THSD4: variants seen among roughly 807,000 people sequenced by gnomAD.
THSD4 encodes the protein thrombospondin type 1 domain containing 4.
A neutral mutation model predicts 119.0 loss-of-function variants in THSD4; 69 were observed. The observed-to-expected ratio is 0.58, with a 90% CI of 0.48 to 0.71. THSD4 has a LOEUF of 0.71. Ranked by LOEUF, THSD4 falls within the 30% of genes least tolerant of loss-of-function variation. THSD4 has a pLI of 0.00. For missense variants in THSD4, 1,393 were observed against 1,391.1 expected (o/e 1.00, Z -0.02); for synonymous variants, 524 against 540.4 (o/e 0.97, Z 0.42).
chr15:71,330,955 C>G (rs2045412764), intron 6 of THSD4, among the ~76,000 whole-genome samples: 1 of 152,220 alleles, frequency 6.6e-6, no homozygotes, highest in Non-Finnish European at 1.5e-5. Flanking sequence ...CACTGGCGAT[C>G]TGGCCTTGTC....
At chr15:71,373,667 C>T (rs539955293) in intron 6 of THSD4, among the ~76,000 whole-genome samples, 1 of 152,318 alleles carries the variant, frequency 6.6e-6, no homozygotes, top group Admixed American at 6.5e-5. Context: ...CCTACTCTGC[C>T]ACTGACTTGC....
At chr15:71,218,573 T>C (rs2043952993) in intron 4 of THSD4, among the ~76,000 whole-genome samples, 1 of 152,162 alleles carries the variant, frequency 6.6e-6, no homozygotes, top group African/African-American at 2.4e-5. Flanking sequence ...TCTTGTGATT[T>C]GACAGTTACT....
intron 3 of THSD4, among the ~76,000 whole-genome samples, chr15:71,159,352 A>G (rs2043229134): frequency 6.6e-6 from 1 of 152,094 alleles, no homozygotes; most frequent in East Asian, 1.9e-4. Flanking sequence ...TTCTGTGACT[A>G]ATGTCATTAT....
intron 7 of THSD4, among the ~76,000 whole-genome samples, chr15:71,442,579 A>AATATATAT (rs1555414268): frequency 7.5e-5 from 3 of 39,862 alleles, no homozygotes; most frequent in Non-Finnish European, 5.6e-5. Context: ...AAAAAAAAAA[A>AATATATAT]ATATATATAT....
intron 8 of THSD4, among the ~76,000 whole-genome samples, chr15:71,694,014 CAA>C (rs35248148): frequency 2.8e-5 from 4 of 141,484 alleles, no homozygotes; most frequent in Non-Finnish European, 1.5e-5. Context: ...GACCCTGTCT[CAA>C]AAAAAAAAAA....
intron 7 of THSD4, among the ~76,000 whole-genome samples, chr15:71,516,764 A>G (rs528261949): frequency 3.9e-5 from 6 of 152,212 alleles, no homozygotes; most frequent in African/African-American, 7.2e-5. Context: ...TGTACCAGTT[A>G]TAGTTTTCTA....
At chr15:71,234,624 T>C (rs2044089009) in intron 4 of THSD4, among the ~76,000 whole-genome samples, 2 of 152,208 alleles carry the variant, frequency 1.3e-5, no homozygotes, top group African/African-American at 4.8e-5. Flanking sequence ...TTCCTTGGGT[T>C]CAGAAAGGTC....
intron 7 of THSD4, among the ~76,000 whole-genome samples, chr15:71,624,424 G>T (rs1174731513): frequency 6.6e-6 from 1 of 152,156 alleles, no homozygotes; most frequent in Non-Finnish European, 1.5e-5. Context: ...TCACATTTTT[G>T]GGGAATACTT....
intron 7 of THSD4, among the ~76,000 whole-genome samples, chr15:71,541,347 T>C (rs552687728): frequency 6.6e-6 from 1 of 152,338 alleles, no homozygotes; most frequent in Non-Finnish European, 1.5e-5. Context: ...GCATTTCCAG[T>C]GCTCAGTATT....
chr15:71,443,442 C>CTT (rs1409327867), intron 7 of THSD4, among the ~76,000 whole-genome samples: 2 of 151,392 alleles, frequency 1.3e-5, no homozygotes, highest in South Asian at 2.1e-4. Flanking sequence ...CCCTCTCTCT[C>CTT]TCTATGTATA....
chr15:71,507,799 C>T (rs541919220), intron 7 of THSD4, among the ~76,000 whole-genome samples: 11 of 152,298 alleles, frequency 7.2e-5, no homozygotes, highest in Non-Finnish European at 1.0e-4. Flanking sequence ...ATGCCCTCCC[C>T]ATGGAAGCAG....
intron 6 of THSD4, among the ~76,000 whole-genome samples, chr15:71,346,745 C>T (rs963867554): frequency 4.6e-5 from 7 of 151,904 alleles, no homozygotes; most frequent in African/African-American, 7.3e-5. Flanking sequence ...CTGGGCAATG[C>T]GTCTTATGTA....
chr15:71,731,121 A>T lies in THSD4; in HGVS notation c.1534A>T (p.Met512Leu). Reference protein sequence around the residue: ...GPTNEILDVYMIHQQPNPGVH... With the variant: ...GPTNEILDVYLIHQQPNPGVH... Reference sequence around the variant, plus strand: ...GTAACACTGATTTTTGTGTCAGCAGATGATACACCAGCAGCCAAACCCAGG... The same window carrying T: ...GTAACACTGATTTTTGTGTCAGCAGTTGATACACCAGCAGCCAAACCCAGG... Residue 512 changes from methionine (M) to leucine (L), a missense_variant and splice_region_variant, in exon 10 of 18, where the codon ATG becomes TTG. Physicochemically the swap from Met to Leu is conservative, Grantham distance 15 (BLOSUM62 2). Transcript: ENST00000261862. 4 of 1,614,084 alleles carry T rather than the reference A, an allele frequency of 2.5e-6. No homozygotes were observed. Among genetic ancestry groups the T allele is most frequent in the East Asian group, 4.5e-5 (2 of 44,860 alleles).
chr15:71,394,945 T>C (rs1167085831), intron 6 of THSD4, among the ~76,000 whole-genome samples: 1 of 152,206 alleles, frequency 6.6e-6, no homozygotes, highest in African/African-American at 2.4e-5. Context: ...CCAGGAGTCG[T>C]AGGTCTGGAG....
chr15:71,398,611 A>G (rs529686276), intron 6 of THSD4, among the ~76,000 whole-genome samples: 1 of 152,232 alleles, frequency 6.6e-6, no homozygotes, highest in East Asian at 1.9e-4. Context: ...GTTTGTTACC[A>G]TTGACAGAGA....
At chr15:71,225,184 G>A (rs1315830165) in intron 4 of THSD4, among the ~76,000 whole-genome samples, 1 of 152,150 alleles carries the variant, frequency 6.6e-6, no homozygotes, top group Non-Finnish European at 1.5e-5. Flanking sequence ...CTACCCTTAA[G>A]CATTCTTCTT....
chr15:71,406,326 AT>A (rs1300626726), intron 6 of THSD4, among the ~76,000 whole-genome samples: 1 of 152,192 alleles, frequency 6.6e-6, no homozygotes, highest in Non-Finnish European at 1.5e-5. Flanking sequence ...AAGAATGTGT[AT>A]TCTGCTACTG....
At chr15:71,578,065 G>A (rs1376634673) in intron 7 of THSD4, among the ~76,000 whole-genome samples, 1 of 151,642 alleles carries the variant, frequency 6.6e-6, no homozygotes, top group South Asian at 2.1e-4. Context: ...TACCTGGCAT[G>A]TGTGAGCCCT....
chr15:71,746,829 C>G lies in THSD4; in HGVS notation c.2037-9C>G, dbSNP rs770161796. The G allele has an allele frequency of 1.1e-5, 17 of 1,613,392 alleles. No homozygotes were observed. Among genetic ancestry groups the G allele is most frequent in the Non-Finnish European group, 1.4e-5 (17 of 1,179,886 alleles). ...GTCTCTCACTCTCGCTCTCTCATTC[C>G]TGAACCAGCTGGGACATCGGGGAGT... On this transcript the variant is annotated splice_polypyrimidine_tract_variant and intron_variant, in intron 12 of 17. Transcript: ENST00000261862.
Sources: allele counts gnomAD v4.1 joint callset (sites outside exome capture counted in the v4.1 genomes callset), GRCh38; gene constraint gnomAD v4.1.1; transcripts MANE v1.5; gene names NCBI Gene and HGNC (gene_info 2026-07-23, HGNC 2026-07-21).